NKAIN2: variants seen among roughly 807,000 people sequenced by gnomAD.
NKAIN2 encodes the protein sodium/potassium-transporting ATPase subunit beta-1-interacting protein 2.
In NKAIN2, 14 loss-of-function variants were observed where a neutral mutation model predicts 32.6. The ratio of observed to expected loss-of-function variants is 0.43; its 90% CI spans 0.28 to 0.67. The LOEUF (loss-of-function observed/expected upper bound fraction) is 0.67, where lower values mean the gene tolerates loss of function less well. Ranked by LOEUF, NKAIN2 falls within the 30% of genes least tolerant of loss-of-function variation. The pLI is 0.17. For synonymous variants in NKAIN2, 80 were observed against 87.2 expected (o/e 0.92, Z 0.46); for missense variants, 198 against 258.3 (o/e 0.77, Z 1.60).
chr6:124,731,376 G>A (rs1011577025), intron 4 of NKAIN2, among the ~76,000 whole-genome samples: 1 of 151,762 alleles, frequency 6.6e-6, no homozygotes, highest in African/African-American at 2.4e-5. Flanking sequence ...ATACTATGCA[G>A]CCATAAAAAA....
chr6:124,102,136 C>G (rs1020364454), intron 1 of NKAIN2, among the ~76,000 whole-genome samples: 11 of 152,174 alleles, frequency 7.2e-5, no homozygotes, highest in Admixed American at 2.6e-4. Flanking sequence ...CAGAATGTAA[C>G]AGTCTCTTAG....
chr6:124,350,675 A>C (rs1326468635), intron 2 of NKAIN2, among the ~76,000 whole-genome samples: 2 of 152,238 alleles, frequency 1.3e-5, no homozygotes, highest in Non-Finnish European at 2.9e-5. Context: ...TTGTAATGAA[A>C]TATACAATTA....
intron 1 of NKAIN2, among the ~76,000 whole-genome samples, chr6:123,925,716 T>C (rs2114505115): frequency 6.6e-6 from 1 of 152,310 alleles, no homozygotes; most frequent in Middle Eastern, 3.4e-3. Context: ...TTGGTGAACT[T>C]CATTCTGCTC....
intron 1 of NKAIN2, among the ~76,000 whole-genome samples, chr6:124,268,066 C>T (rs1298796213): frequency 2.6e-5 from 4 of 152,050 alleles, no homozygotes; most frequent in Non-Finnish European, 4.4e-5. Context: ...ATAAGTCTAT[C>T]GTGTATGTAA....
intron 2 of NKAIN2, among the ~76,000 whole-genome samples, chr6:124,331,528 C>CAA (rs764118499): frequency 5.9e-4 from 39 of 66,624 alleles, no homozygotes; most frequent in African/African-American, 6.0e-4. Context: ...GACTCCGTCT[C>CAA]AAAAAAAAAA....
At chr6:124,412,617 G>T (rs1774253703) in intron 3 of NKAIN2, among the ~76,000 whole-genome samples, 1 of 152,170 alleles carries the variant, frequency 6.6e-6, no homozygotes. Flanking sequence ...GCTACTCAGG[G>T]GTCGGGGACC....
intron 4 of NKAIN2, among the ~76,000 whole-genome samples, chr6:124,704,262 ACT>A (rs1774940237): frequency 6.6e-6 from 1 of 151,932 alleles, no homozygotes; most frequent in Non-Finnish European, 1.5e-5. Flanking sequence ...TGTAGCAGAC[ACT>A]CTGTTTAGAG....
chr6:124,534,730 T>C (rs1779652735), intron 3 of NKAIN2, among the ~76,000 whole-genome samples: 1 of 152,204 alleles, frequency 6.6e-6, no homozygotes, highest in Non-Finnish European at 1.5e-5. Flanking sequence ...CCTCTCTTTT[T>C]ATGGCTAACT....
chr6:124,004,611 A>T (rs1262465361), intron 1 of NKAIN2, among the ~76,000 whole-genome samples: 5 of 151,976 alleles, frequency 3.3e-5, no homozygotes, highest in African/African-American at 1.2e-4. Flanking sequence ...TATCACAAAG[A>T]CAGAAAACCA....
chr6:124,771,079 T>C (rs1778730944), intron 4 of NKAIN2, among the ~76,000 whole-genome samples: 1 of 152,134 alleles, frequency 6.6e-6, no homozygotes, highest in Non-Finnish European at 1.5e-5. Flanking sequence ...CCTAATTCCA[T>C]GAGTATCTTG....
At chr6:124,790,958 C>T (rs1292172495) in intron 4 of NKAIN2, among the ~76,000 whole-genome samples, 5 of 152,190 alleles carry the variant, frequency 3.3e-5, no homozygotes, top group Middle Eastern at 3.4e-3. Context: ...TGTGGGTGTC[C>T]AAGTTTTAGA....
Position 123,962,283 on chromosome 6 carries a change from CA to C in NKAIN2, c.54+158030del, listed in dbSNP as rs1272236398. ...TGGCATATTTCATATGGAGTCCCAC[CA>C]GTCATCAGCAATCTAGAATCAGTGT... On this transcript the variant is annotated intron_variant, in intron 1 of 6. Transcript: ENST00000368417. Among the ~76,000 whole-genome samples the C allele has an allele frequency of 2.6e-5, 4 of 152,100 alleles. No individual in the cohort carries two copies. In the East Asian group the frequency reaches 7.7e-4, roughly 29 times the overall value.
chr6:124,708,889 G>A (rs977219113), intron 4 of NKAIN2, among the ~76,000 whole-genome samples: 13 of 144,992 alleles, frequency 9.0e-5, no homozygotes, highest in African/African-American at 3.1e-4. Context: ...AATAGGAGTG[G>A]TGAGAGAGGG....
intron 1 of NKAIN2, among the ~76,000 whole-genome samples, chr6:124,131,135 T>C (rs1426234628): frequency 6.6e-6 from 1 of 152,010 alleles, no homozygotes; most frequent in South Asian, 2.1e-4. Context: ...GAGTTGAGTT[T>C]TGTTGTTGTT....
At chr6:124,570,386 C>T (rs1781081462) in intron 3 of NKAIN2, among the ~76,000 whole-genome samples, 1 of 152,126 alleles carries the variant, frequency 6.6e-6, no homozygotes, top group Non-Finnish European at 1.5e-5. Flanking sequence ...ACGTCAGAGA[C>T]CTTCACAGCA....
At chr6:124,464,229 C>A (rs1776650289) in intron 3 of NKAIN2, among the ~76,000 whole-genome samples, 1 of 152,060 alleles carries the variant, frequency 6.6e-6, no homozygotes, top group African/African-American at 2.4e-5. Context: ...CTCAAGTAAT[C>A]TGCCTGCTTC....
intron 1 of NKAIN2, among the ~76,000 whole-genome samples, chr6:124,258,604 G>A (rs1794066145): frequency 6.6e-6 from 1 of 152,134 alleles, no homozygotes; most frequent in Non-Finnish European, 1.5e-5. Context: ...AACCAGTCAG[G>A]CCTTCAGACA....
intron 3 of NKAIN2, among the ~76,000 whole-genome samples, chr6:124,508,533 T>C (rs1778584133): frequency 2.0e-5 from 3 of 151,608 alleles, no homozygotes; most frequent in Non-Finnish European, 2.9e-5. Context: ...TTAGTAGAGA[T>C]GGGGTTTCAC....
chr6:124,740,527 A>G (rs1365666309), intron 4 of NKAIN2, among the ~76,000 whole-genome samples: 1 of 151,574 alleles, frequency 6.6e-6, no homozygotes, highest in Non-Finnish European at 1.5e-5. Flanking sequence ...CAGAAAAAGA[A>G]AAAGGTTGAA....
Sources: gnomAD v4.1 joint callset for allele counts (sites outside exome capture counted in the v4.1 genomes callset) on GRCh38, gnomAD v4.1.1 for gene constraint, MANE v1.5 for transcripts, NCBI Gene and HGNC (gene_info 2026-07-23, HGNC 2026-07-21) for gene names.